The following CHD4 variants were observed in gnomAD, a reference collection of about 807,000 sequenced individuals.
The protein encoded by CHD4 is ATP-dependent chromatin remodeler CHD4.
CHD4 carries 35 observed loss-of-function variants against 235.5 expected under a neutral mutation model. That is an observed-to-expected ratio of 0.15 (90% CI 0.11 to 0.20). The LOEUF (loss-of-function observed/expected upper bound fraction) is 0.20. Ranked by LOEUF, CHD4 falls within the 10% of genes least tolerant of loss-of-function variation. The pLI is 1.00. For missense variants in CHD4, 1,329 were observed against 2,432.3 expected, an observed-to-expected ratio of 0.55 and a Z score of 9.54; for synonymous variants, 900 against 850.2, an observed-to-expected ratio of 1.06 and a Z score of -1.02.
In CHD4 at chr12:6,593,141, C is replaced by T; in HGVS notation, c.2602G>A (p.Ala868Thr). The part of the protein sequence containing the change: ...DMAILGSIDW[A>T]CLIVDEAHRL... The stretch of plus-strand genomic sequence containing the variant: ...TGGGCTTCATCCACGATGAGGCAGG[C>T]CCAATCAATAGAGCCCAAAATAGCC... The change falls in exon 17 of 40, where the codon GCC (alanine) becomes ACC (threonine). Residue 868 changes from alanine to threonine, a missense_variant. Physicochemically the swap from Ala to Thr is moderately conservative, Grantham distance 58. Transcript: ENST00000544040. This position sits in a 1 kb window ranked among gnomAD's most constrained non-coding sequence, Gnocchi z 4.9. 6.2e-7 allele frequency: 1 copy of T among 1,614,144 alleles called. No individual in the cohort carries two copies. Among genetic ancestry groups the T allele is most frequent in the South Asian group, 1.1e-5 (1 of 91,084 alleles).
In CHD4 at chr12:6,594,685, AG is replaced by A. The variant is rs144069112; in HGVS notation, c.2122-36del. 8.0e-5 allele frequency: 127 copies of A among 1,588,228 alleles called. No individual in the cohort carries two copies. In the East Asian group the frequency reaches 9.2e-4, roughly 11 times the overall value. On this transcript the variant is annotated intron_variant, in intron 14 of 39. Transcript: ENST00000544040. ...GAAACAGAGAAGTCAAGAGCTGGCA[AG>A]GAACTCCCCTCCTCCCCTAATAGAG...
intron 38 of CHD4, among the ~76,000 whole-genome samples, chr12:6,572,422 T>G (rs994877642): frequency 4.2e-5 from 6 of 141,908 alleles, no homozygotes; most frequent in Non-Finnish European, 7.6e-5. Flanking sequence ...CTAGACTCTA[T>G]CTCAGAAAAA....
Position 6,583,358 on chromosome 12 carries a change from C to A in CHD4, c.3900G>T (p.Arg1300=). The A allele has an allele frequency of 6.2e-7, 1 of 1,612,444 alleles. No homozygotes were observed. Among genetic ancestry groups the A allele is most frequent in the Non-Finnish European group, 8.5e-7 (1 of 1,178,838 alleles). Residue 1300 remains arginine, a synonymous_variant, in exon 26 of 40, where the codon CGG becomes CGT. Coordinates refer to ENST00000544040, the MANE Select transcript of CHD4 (RefSeq NM_001273.5). ...CACTTTCTTCCTGTTTAATGATTTCCCGTTCTACCTCCTCTTCCTCCTGGG... is the reference window on the plus strand; with the variant it reads ...CACTTTCTTCCTGTTTAATGATTTCACGTTCTACCTCCTCTTCCTCCTGGG... ...EEMGEEEEVE[R]EIIKQEESVD...
intron 25 of CHD4, chr12:6,583,729 G>C (rs1315155020): frequency 1.0e-5 from 2 of 198,752 alleles, no homozygotes; most frequent in African/African-American, 2.3e-5. Context: ...AGGCAGAATG[G>C]AGAAACTTCT....
rs190139770 is a variant in CHD4 at position 6,593,254 on chromosome 12, T to C, written c.2515-26A>G. 18 of 1,613,740 alleles carry C rather than the reference T, an allele frequency of 1.1e-5. No homozygotes were observed. The highest frequency in any genetic ancestry group is 1.7e-5 in the Admixed American group (1 of 60,022). ...CTGCACATGAAGGCAACTTGGTCAC[T>C]ACTAGTCAGTTCCTCTGTGTAAGCA... is the stretch of plus-strand genomic sequence containing the variant. On this transcript the variant is annotated intron_variant, in intron 16 of 39. Coordinates refer to ENST00000544040, the MANE Select transcript of CHD4 (RefSeq NM_001273.5). This position sits in a 1 kb window ranked among gnomAD's most constrained non-coding sequence, Gnocchi z 4.9.
Position 6,601,953 on chromosome 12 carries a change from C to T in CHD4, c.438+7G>A. 1 of 1,607,442 alleles carries T rather than the reference C, an allele frequency of 6.2e-7. No individual in the cohort carries two copies. The highest frequency in any genetic ancestry group is 1.3e-5 in the African/African-American group (1 of 74,974). On this transcript the variant is annotated splice_region_variant and intron_variant, in intron 4 of 39. Transcript: ENST00000544040. ...CAGTACAAAGAAGAGGATGGAGGTC[C>T]AGGCACCTTTGAATCATCATCATCA...
chr12:6,595,446 A>G lies in CHD4; in HGVS notation c.2025-16T>C, dbSNP rs764790056. On this transcript the variant is annotated splice_polypyrimidine_tract_variant and intron_variant, in intron 13 of 39. Coordinates refer to ENST00000544040, the MANE Select transcript of CHD4 (RefSeq NM_001273.5). ...CATTAACTCCCTAAAGAAGAAAGAC[A>G]TCACACAGCTGCCCAAAATCCTTTT... 2 of 1,608,290 alleles carry G rather than the reference A, an allele frequency of 1.2e-6. No individual in the cohort carries two copies. Among genetic ancestry groups the G allele is most frequent in the South Asian group, 2.2e-5 (2 of 90,940 alleles).
chr12:6,577,077 C>T (rs1032536186), intron 37 of CHD4, among the ~76,000 whole-genome samples: 48 of 152,168 alleles, frequency 3.2e-4, no homozygotes, highest in Non-Finnish European at 6.3e-4. Flanking sequence ...GCTGGGATTA[C>T]AGGCGTGAGC....
At chr12:6,578,263 G>A (rs950123020) in intron 35 of CHD4, 126 bp from the exon 36 acceptor site, 14 of 1,356,740 alleles carry the variant, frequency 1.0e-5, no homozygotes, top group African/African-American at 1.4e-5. Context: ...ATTTGCTTCT[G>A]GCTTTCTCCA....
chr12:6,595,322 AC>A lies in CHD4; in HGVS notation c.2121+11del. 1 of 1,610,432 alleles carries A rather than the reference AC, an allele frequency of 6.2e-7. No individual in the cohort carries two copies. The highest frequency in any genetic ancestry group is 8.5e-7 in the Non-Finnish European group (1 of 1,176,986). ...TACCCAACAAACTACAGTCCCTTCC[AC>A]CCCCACTCACATCAACTGTTGGCGT... On this transcript the variant is annotated intron_variant, in intron 14 of 39. Coordinates refer to ENST00000544040, the MANE Select transcript of CHD4 (RefSeq NM_001273.5).
Position 6,591,706 on chromosome 12 carries a change from G to A in CHD4, c.3210C>T (p.Leu1070=). 2 of 1,614,200 alleles carry A rather than the reference G, an allele frequency of 1.2e-6. No homozygotes were observed. Among genetic ancestry groups the A allele is most frequent in the Non-Finnish European group, 1.7e-6 (2 of 1,180,048 alleles). Residue 1070 remains leucine (L), a synonymous_variant, in exon 21 of 40, where the codon CTC becomes CTT. Transcript: ENST00000544040. The stretch of plus-strand genomic sequence containing the variant: ...GTCCACATGATACCTGGGAAAAGAT[G>A]AGTACACGATGCCCACCCTCCTTAA... ...KNLKEGGHRV[L]IFSQMTKMLD... is the part of the protein sequence containing the mutation.
intron 25 of CHD4, chr12:6,583,639 G>A (rs907206113): frequency 7.1e-6 from 3 of 424,056 alleles, no homozygotes; most frequent in Non-Finnish European, 1.2e-5. Context: ...TGAAGAGACA[G>A]AATGCTTTCT....
chr12:6,599,699 C>A, intron 10 of CHD4, 74 bp downstream of exon 10: 3 of 1,584,702 alleles, frequency 1.9e-6, no homozygotes, highest in Non-Finnish European at 2.6e-6. Context: ...CTCCTGCACC[C>A]CAGCCTCACA....
rs76091967 is a variant in CHD4, at chr12:6,605,593, A to G, written c.100+681T>C. ...ACAGAAGCCACTAGGAAAAAAGCCAAAACTATGTCCACTCACCAGGAGGAG... is the reference window on the plus strand; with the variant it reads ...ACAGAAGCCACTAGGAAAAAAGCCAGAACTATGTCCACTCACCAGGAGGAG... On this transcript the variant is annotated intron_variant, in intron 2 of 39. Coordinates refer to ENST00000544040, the MANE Select transcript of CHD4 (RefSeq NM_001273.5). Among the ~76,000 whole-genome samples, 554 of 152,238 alleles carry G rather than the reference A, an allele frequency of 3.6e-3. 3 individuals carry two copies. The highest frequency in any genetic ancestry group is 0.013 in the African/African-American group (532 of 41,528).
Position 6,570,470 on chromosome 12 carries a change from GCTA to G in CHD4, c.*203_*205del. On this transcript the variant is annotated 3_prime_UTR_variant, in exon 40 of 40. Transcript: ENST00000544040. ...GCCAGCTCCTGCAGATGGCGCCAGC[GCTA>G]CTGCTGCATGTCTCTTCTGCAGGAA... 1.6e-6 allele frequency: 1 copy of G among 618,166 alleles called. No homozygotes were observed. 38.3% of individuals were successfully genotyped at this position (618,166 alleles called of 1,614,324 possible).
chr12:6,587,912 T>C lies in CHD4; in HGVS notation c.3503A>G (p.Lys1168Arg). The C allele has an allele frequency of 6.2e-7, 1 of 1,614,232 alleles. No homozygotes were observed. Among genetic ancestry groups the C allele is most frequent in the Non-Finnish European group, 8.5e-7 (1 of 1,180,034 alleles). The change falls in exon 24 of 40, where the codon AAG becomes AGG. Residue 1168 changes from lysine to arginine, a missense_variant. Lys to Arg is a conservative substitution (Grantham distance 26). Transcript: ENST00000544040. ...GGTCACAAACCGGTAGATCATTACC[T>C]TTTTATTTTGCCCAATCCGGTGAGC... ...SRAHRIGQNK[K>R]VMIYRFVTRA...
Position 6,581,112 on chromosome 12 carries a change from C to A in CHD4, c.4841G>T (p.Gly1614Val), listed in dbSNP as rs1948179690. The change falls in exon 33 of 40, where the codon GGA becomes GTA. Residue 1614 changes from glycine (G) to valine (V), a missense_variant. This residue lies in a region of CHD4 where 219 missense variants were observed against 219.3 expected (regional missense o/e 1.00). Transcript: ENST00000544040. ...CTCTGCCTTTTCCACTTTCTCCTCT[C>A]CCTCAGGGGGTTCAACAACGACCTT... ...DEKVVVEPPE[G>V]EEKVEKAEVK... 1 of 1,614,082 alleles carries A rather than the reference C, an allele frequency of 6.2e-7. No homozygotes were observed. The highest frequency in any genetic ancestry group is 1.7e-5 in the Admixed American group (1 of 60,008).
At chr12:6,599,364 C>G (rs1948550892) in intron 10 of CHD4, among the ~76,000 whole-genome samples, 1 of 151,410 alleles carries the variant, frequency 6.6e-6, no homozygotes, top group Non-Finnish European at 1.5e-5. Flanking sequence ...CACTTGAGCC[C>G]AAGAGTTGGA....
At position 6,581,310 on chromosome 12, in the gene CHD4, G is replaced by T. The variant is rs750355009; in HGVS notation, c.4760C>A (p.Ala1587Asp). The change falls in exon 32 of 40, where the codon GCC becomes GAC. Residue 1587 changes from alanine to aspartate, a missense_variant. Ala to Asp is a moderately radical substitution (Grantham distance 126, BLOSUM62 -2). This residue lies in a region of CHD4 where 219 missense variants were observed against 219.3 expected (regional missense o/e 1.00). Transcript: ENST00000544040. ...IEGEKEVKST[A>D]PETAIECTQA... The stretch of plus-strand genomic sequence containing the variant: ...TCTTACCTCAATGGCAGTCTCAGGG[G>T]CTGTAGATTTAACCTCCTTTTCTCC... The T allele has an allele frequency of 6.2e-7, 1 of 1,614,106 alleles. No individual in the cohort carries two copies. The highest frequency in any genetic ancestry group is 8.5e-7 in the Non-Finnish European group (1 of 1,180,004).
Sources: gnomAD v4.1 joint callset for allele counts (sites outside exome capture counted in the v4.1 genomes callset) on GRCh38, gnomAD v4.1.1 for gene constraint, gnomAD v4.1.1 regional missense constraint, Gnocchi (gnomAD v3.1) non-coding constraint, MANE v1.5 for transcripts, NCBI Gene and HGNC (gene_info 2026-07-23, HGNC 2026-07-21) for gene names.